The following CCDC57 variants were observed in gnomAD, a reference collection of about 807,000 sequenced individuals.
CCDC57 encodes coiled-coil domain-containing protein 57.
Under a neutral mutation model 118.9 loss-of-function variants are expected in CCDC57, and 118 were observed. That is an observed-to-expected ratio of 0.99 (90% CI 0.86 to 1.16). The LOEUF is 1.16. Among genes scored for constraint, CCDC57 ranks in the 50% most tolerant of loss-of-function variants. The pLI is 0.00. For synonymous variants in CCDC57, 527 were observed against 532.9 expected (o/e 0.99, Z 0.15); for missense variants, 1,300 against 1,320.7 (o/e 0.98, Z 0.24).
At chr17:82,166,506 C>CA (rs2044003543) in intron 13 of CCDC57, among the ~76,000 whole-genome samples, 5 of 151,642 alleles carry the variant, frequency 3.3e-5, no homozygotes, top group Admixed American at 1.3e-4. Flanking sequence ...CAGATCGAGA[C>CA]CCTGTCTCTA....
At chr17:82,157,860 C>A in exon 15 of CCDC57, 1 of 1,589,436 alleles carries the variant, frequency 6.3e-7, no homozygotes, top group Non-Finnish European at 8.6e-7. Context: ...CACCTGCTTC[C>A]GCAGCTCCAA....
At chr17:82,149,146 G>GGA (rs1568265383) in intron 16 of CCDC57, among the ~76,000 whole-genome samples, 7 of 137,370 alleles carry the variant, frequency 5.1e-5, no homozygotes, top group Non-Finnish European at 9.4e-5. Flanking sequence ...GGATGGATGG[G>GGA]TGGATGAATA....
intron 11 of CCDC57, among the ~76,000 whole-genome samples, chr17:82,177,763 G>A: frequency 6.6e-6 from 1 of 151,980 alleles, no homozygotes; most frequent in East Asian, 1.9e-4. Flanking sequence ...GGGTGGTCTT[G>A]TTGGGGTGGG....
chr17:82,159,416 A>G (rs919351700), intron 14 of CCDC57, among the ~76,000 whole-genome samples: 7 of 152,104 alleles, frequency 4.6e-5, no homozygotes, highest in Admixed American at 2.0e-4. Context: ...TGGATCTTCA[A>G]CTCCCTCGAC....
rs554357681 is a variant in CCDC57 at position 82,173,048 on chromosome 17, A to G, written c.1507-188T>C. Among the ~76,000 whole-genome samples the G allele has an allele frequency of 5.9e-5, 9 of 152,232 alleles. No individual in the cohort carries two copies. In the South Asian group the frequency reaches 1.9e-3, roughly 32 times the overall value. On this transcript the variant is annotated intron_variant, in intron 11 of 19. Transcript: ENST00000665763. ...TGACAGAAGTGCAAATATGACACTC[A>G]AATTCCTGGAGCCTTTCATACTTTT...
chr17:82,143,633 A>G (rs1414960609), intron 16 of CCDC57, among the ~76,000 whole-genome samples: 2 of 152,194 alleles, frequency 1.3e-5, no homozygotes, highest in Non-Finnish European at 2.9e-5. Context: ...TTGAAAAACA[A>G]TGACTGAGAA....
At chr17:82,164,074 A>T (rs1382398975) in intron 13 of CCDC57, among the ~76,000 whole-genome samples, 1 of 151,852 alleles carries the variant, frequency 6.6e-6, no homozygotes, top group Non-Finnish European at 1.5e-5. Context: ...AAAAAGAATG[A>T]CCAAATTAAA....
At chr17:82,139,749 G>C (rs2039764147) in intron 16 of CCDC57, among the ~76,000 whole-genome samples, 1 of 152,142 alleles carries the variant, frequency 6.6e-6, no homozygotes, top group African/African-American at 2.4e-5. Flanking sequence ...CTGGGAAAAG[G>C]ACTGGGCAGG....
rs898640152 is a variant in CCDC57 at position 82,151,360 on chromosome 17, C to T, written c.2455+200G>A. ...AACCAGGTGCACACCCAGAACCTGGCACACACCCAGAACCTGGCACACACC... is the reference window on the plus strand; with the variant it reads ...AACCAGGTGCACACCCAGAACCTGGTACACACCCAGAACCTGGCACACACC... On this transcript the variant is annotated intron_variant, in intron 16 of 19. Transcript: ENST00000665763. 6.0e-5 allele frequency among the ~76,000 whole-genome samples: 9 copies of T among 150,466 alleles called. No individual in the cohort carries two copies. In the South Asian group the frequency reaches 6.4e-4, roughly 11 times the overall value.
At chr17:82,156,358 T>C (rs1488101620) in intron 15 of CCDC57, 1 of 151,826 alleles carries the variant, frequency 6.6e-6, no homozygotes, top group Non-Finnish European at 1.5e-5. Context: ...TCTAAACAAG[T>C]GGGAAGACAG....
chr17:82,120,738 T>C (rs1241883858), intron 19 of CCDC57, among the ~76,000 whole-genome samples: 3 of 152,162 alleles, frequency 2.0e-5, no homozygotes, highest in Non-Finnish European at 4.4e-5. Context: ...CATGGACTTA[T>C]GCTGAAACGT....
At chr17:82,169,635 GAGGGGCCTGCAAATAGGGGA>G (rs1568344091) in intron 13 of CCDC57, among the ~76,000 whole-genome samples, 2 of 152,210 alleles carry the variant, frequency 1.3e-5, no homozygotes, top group Non-Finnish European at 2.9e-5. Context: ...CCAGGCAGGA[GAGGGGCCTGCAAATAGGGGA>G]AGGGGCCACA....
At chr17:82,169,920 G>C (rs1434524589) in intron 13 of CCDC57, among the ~76,000 whole-genome samples, 1 of 152,154 alleles carries the variant, frequency 6.6e-6, no homozygotes, top group East Asian at 1.9e-4. Flanking sequence ...CATAGACTGG[G>C]AGAAGATATT....
At chr17:82,106,230 C>T (rs1018466642) in intron 19 of CCDC57, 2 of 152,442 alleles carry the variant, frequency 1.3e-5, no homozygotes, top group African/African-American at 2.4e-5. Flanking sequence ...GGAAACACAT[C>T]GTGGGCATAA....
exon 18 of CCDC57, chr17:82,128,536 G>A (rs1244701441): frequency 3.2e-6 from 5 of 1,574,964 alleles, no homozygotes; most frequent in Non-Finnish European, 2.6e-6. Context: ...CACCTGTGCT[G>A]AGCGGGGCTG....
chr17:82,193,320 G>A (rs932833916), intron 7 of CCDC57, among the ~76,000 whole-genome samples: 2 of 152,160 alleles, frequency 1.3e-5, no homozygotes, highest in Non-Finnish European at 2.9e-5. Context: ...AAGGAGGTGG[G>A]CGGGTCATTT....
chr17:82,208,200 G>A (rs1488863373), intron 1 of CCDC57, among the ~76,000 whole-genome samples: 4 of 151,748 alleles, frequency 2.6e-5, no homozygotes, highest in South Asian at 2.1e-4. Context: ...GAGCCACTGC[G>A]CCCAGCCCAA....
chr17:82,105,309 G>A (rs1481181006), intron 19 of CCDC57, among the ~76,000 whole-genome samples: 1 of 152,124 alleles, frequency 6.6e-6, no homozygotes, highest in African/African-American at 2.4e-5. Flanking sequence ...TTGTTCTGCT[G>A]AACCCCCTCT....
exon 9 of CCDC57, chr17:82,183,835 G>T (rs998583523): frequency 1.2e-6 from 2 of 1,608,900 alleles, no homozygotes; most frequent in African/African-American, 2.7e-5. Context: ...TCTTCCTGCA[G>T]CGTCTGAATC....
Sources: allele counts gnomAD v4.1 joint callset (sites outside exome capture counted in the v4.1 genomes callset), GRCh38; gene constraint gnomAD v4.1.1; transcripts MANE v1.5; gene names NCBI Gene and HGNC (gene_info 2026-07-23, HGNC 2026-07-21).